AIM2: variants seen among roughly 807,000 people sequenced by gnomAD.
AIM2 encodes absent in melanoma 2.
Under a neutral mutation model 27.7 loss-of-function variants are expected in AIM2, and 30 were observed. That is an observed-to-expected ratio of 1.08 (90% CI 0.81 to 1.47). The LOEUF (loss-of-function observed/expected upper bound fraction) is 1.47, where lower values mean the gene tolerates loss of function less well. Ranked by LOEUF, AIM2 falls within the 40% of genes most tolerant of loss-of-function variation. The probability of loss-of-function intolerance (pLI) is 0.00; values close to 1 mark genes in which losing one functional copy is unlikely to be tolerated. For missense variants in AIM2, 358 were observed against 411.3 expected, an observed-to-expected ratio of 0.87 and a Z score of 1.12; for synonymous variants, 141 against 145.3, an observed-to-expected ratio of 0.97 and a Z score of 0.21.
chr1:159,134,130 T>C (rs1424860702), intron 1 of AIM2, among the ~76,000 whole-genome samples: 1 of 152,204 alleles, frequency 6.6e-6, no homozygotes, highest in Non-Finnish European at 1.5e-5. Context: ...CTTTGTACCA[T>C]TTCTAATCCA....
At chr1:159,075,574 C>CACACACACACAT (rs1553215635) in intron 1 of AIM2, among the ~76,000 whole-genome samples, 3 of 109,148 alleles carry the variant, frequency 2.7e-5, no homozygotes, top group African/African-American at 8.6e-5. Context: ...CACACACACA[C>CACACACACACAT]ATATATATAT....
At chr1:159,071,559 G>T (rs1441524523) in intron 2 of AIM2, among the ~76,000 whole-genome samples, 2 of 152,202 alleles carry the variant, frequency 1.3e-5, no homozygotes, top group African/African-American at 4.8e-5. Context: ...GCCCAGGCAG[G>T]AGTGCAGAGG....
chr1:159,095,071 A>G (rs78199567), intron 1 of AIM2, among the ~76,000 whole-genome samples: 2,020 of 152,302 alleles, frequency 0.013, 58 homozygotes, highest in African/African-American at 0.045. Flanking sequence ...CAACACTCAT[A>G]ATCCCATCAT....
chr1:159,122,630 A>G (rs1647566929), intron 1 of AIM2, among the ~76,000 whole-genome samples: 1 of 152,212 alleles, frequency 6.6e-6, no homozygotes, highest in Non-Finnish European at 1.5e-5. Context: ...GGCACTGAGA[A>G]GGAACGCAAA....
At chr1:159,083,689 T>C (rs1055448580) in intron 1 of AIM2, among the ~76,000 whole-genome samples, 1 of 152,224 alleles carries the variant, frequency 6.6e-6, no homozygotes, top group African/African-American at 2.4e-5. Flanking sequence ...CCTAAGGATC[T>C]ACATTCTACA....
In AIM2 at chr1:159,128,324, TG is replaced by T. The variant is rs1026446417; in HGVS notation, c.-16+12106del. Among the ~76,000 whole-genome samples the T allele has an allele frequency of 1.4e-4, 22 of 152,158 alleles. No individual in the cohort carries two copies. The South Asian group carries it at 4.1e-3, about 29-fold the overall frequency. On this transcript the variant is annotated intron_variant, in intron 1 of 2. Coordinates refer to the AIM2 transcript ENST00000368129. ...GCCCTGCCATTTTTCTGCATGACTC[TG>T]GGGTTACACGAGTGGCCTGTCCAGA...
chr1:159,086,227 G>A (rs1161634588), intron 1 of AIM2, among the ~76,000 whole-genome samples: 2 of 152,180 alleles, frequency 1.3e-5, no homozygotes. Context: ...ACAGGGAGCA[G>A]GTAAAAAGGC....
intron 1 of AIM2, among the ~76,000 whole-genome samples, chr1:159,122,861 T>C (rs1469068418): frequency 1.3e-5 from 2 of 152,236 alleles, no homozygotes; most frequent in East Asian, 3.9e-4. Flanking sequence ...ATTCGCTTCA[T>C]ACATTGCTAG....
chr1:159,136,723 T>C (rs1326190815), intron 1 of AIM2, among the ~76,000 whole-genome samples: 2 of 152,260 alleles, frequency 1.3e-5, no homozygotes, highest in East Asian at 3.8e-4. Flanking sequence ...AATCATGTTT[T>C]CTGGGATAAG....
intron 1 of AIM2, among the ~76,000 whole-genome samples, chr1:159,112,388 T>G (rs1657594006): frequency 6.6e-6 from 1 of 152,224 alleles, no homozygotes; most frequent in Non-Finnish European, 1.5e-5. Context: ...ATAACAATTC[T>G]AAACTTGCAT....
At chr1:159,087,525 T>G (rs1656945505) in intron 1 of AIM2, among the ~76,000 whole-genome samples, 1 of 151,960 alleles carries the variant, frequency 6.6e-6, no homozygotes, top group Non-Finnish European at 1.5e-5. Flanking sequence ...ATGCCATCTG[T>G]GTGTTATAAA....
At chr1:159,102,890 G>T (rs1657346884) in intron 1 of AIM2, among the ~76,000 whole-genome samples, 1 of 152,146 alleles carries the variant, frequency 6.6e-6, no homozygotes, top group Non-Finnish European at 1.5e-5. Flanking sequence ...CTTTGGACTT[G>T]GACTTTTGGG....
chr1:159,071,314 C>G (rs1015388237), intron 2 of AIM2, among the ~76,000 whole-genome samples: 2 of 152,184 alleles, frequency 1.3e-5, no homozygotes, highest in African/African-American at 2.4e-5. Context: ...AGAAGGATCA[C>G]TTAACCAAGA....
chr1:159,072,026 T>C (rs1656382673), intron 2 of AIM2, among the ~76,000 whole-genome samples: 1 of 152,218 alleles, frequency 6.6e-6, no homozygotes, highest in Non-Finnish European at 1.5e-5. Flanking sequence ...GAAGAATTAA[T>C]TCTTGATTTA....
At chr1:159,111,911 G>A (rs925749170) in intron 1 of AIM2, among the ~76,000 whole-genome samples, 2 of 151,174 alleles carry the variant, frequency 1.3e-5, no homozygotes, top group Non-Finnish European at 1.5e-5. Flanking sequence ...GCATGGTGGT[G>A]GGCACCTGTA....
chr1:159,113,543 G>T (rs1231075635), intron 1 of AIM2, among the ~76,000 whole-genome samples: 3 of 152,198 alleles, frequency 2.0e-5, no homozygotes, highest in African/African-American at 7.2e-5. Context: ...TATACTTTCA[G>T]TTAACTGAGG....
intron 1 of AIM2, among the ~76,000 whole-genome samples, chr1:159,123,232 C>T (rs942823394): frequency 3.3e-5 from 5 of 152,172 alleles, no homozygotes; most frequent in Non-Finnish European, 5.9e-5. Context: ...AAAATACTCT[C>T]TGCATTTCCC....
chr1:159,061,711 C>T (rs1401748614), downstream of AIM2, among the ~76,000 whole-genome samples: 2 of 151,824 alleles, frequency 1.3e-5, no homozygotes, highest in African/African-American at 2.4e-5. Context: ...GGCCTGGATA[C>T]AGGGTCTTCA....
chr1:159,110,675 A>G (rs752326761), intron 1 of AIM2, among the ~76,000 whole-genome samples: 1 of 152,174 alleles, frequency 6.6e-6, no homozygotes, highest in African/African-American at 2.4e-5. Context: ...GCTACCCAAA[A>G]TCTGTTTGCC....
Sources: gnomAD v4.1 joint callset for allele counts (sites outside exome capture counted in the v4.1 genomes callset) on GRCh38, gnomAD v4.1.1 for gene constraint, MANE v1.5 for transcripts, NCBI Gene and HGNC (gene_info 2026-07-23, HGNC 2026-07-21) for gene names.